UBE2O: variants seen among roughly 807,000 people sequenced by gnomAD.
UBE2O encodes (E3-independent) E2 ubiquitin-conjugating enzyme.
UBE2O carries 15 observed loss-of-function variants against 125.8 expected under a neutral mutation model. That is an observed-to-expected ratio of 0.12 (90% CI 0.08 to 0.18). The LOEUF (loss-of-function observed/expected upper bound fraction) is 0.18. UBE2O is among the 10% of genes least tolerant of loss of function. UBE2O has a pLI of 1.00. For synonymous variants in UBE2O, 708 were observed against 703.2 expected (o/e 1.01, Z -0.11); for missense variants, 1,280 against 1,723.6 (o/e 0.74, Z 4.56).
chr17:76,421,083 G>C (rs913302390), intron 1 of UBE2O, among the ~76,000 whole-genome samples: 5 of 152,156 alleles, frequency 3.3e-5, no homozygotes, highest in African/African-American at 4.8e-5. Context: ...AAAGTGAACA[G>C]GACTCAGCAC....
In UBE2O at chr17:76,400,709, G is replaced by A. The variant is rs1313418562; in HGVS notation, c.895-159C>T. Among the ~76,000 whole-genome samples the A allele has an allele frequency of 2.0e-5, 3 of 152,084 alleles. No individual in the cohort carries two copies. Among genetic ancestry groups the A allele is most frequent in the African/African-American group, 4.8e-5 (2 of 41,392 alleles). ...CAGAGCAGGCCCCAACTGTAACCAC[G>A]GCCCCCACCCAATGCCCAGGACCAG... On this transcript the variant is annotated intron_variant, in intron 6 of 17. Transcript: ENST00000319380. This position sits in a 1 kb window ranked among gnomAD's most constrained non-coding sequence, Gnocchi z 4.3.
At position 76,402,168 on chromosome 17, in the gene UBE2O, C is replaced by T. The variant is rs2072337897; in HGVS notation, c.687-41G>A. The T allele has an allele frequency of 2.5e-6, 4 of 1,597,676 alleles. No individual in the cohort carries two copies. In the East Asian group the frequency reaches 8.9e-5, roughly 36 times the overall value. The stretch of plus-strand genomic sequence containing the variant: ...GAGGTTTGGTCTCCACCAGGGGACA[C>T]AGTGAGTACCAAAAAGTTGCGATTC... On this transcript the variant is annotated intron_variant, in intron 4 of 17. Coordinates refer to ENST00000319380, the MANE Select transcript of UBE2O (RefSeq NM_022066.4). The surrounding 1 kb of genome is among the most constrained non-coding windows in gnomAD (Gnocchi z 5.4).
intron 1 of UBE2O, among the ~76,000 whole-genome samples, chr17:76,407,557 C>T (rs1282514330): frequency 1.3e-5 from 2 of 152,164 alleles, no homozygotes; most frequent in Non-Finnish European, 2.9e-5. Flanking sequence ...ACTTGGGGGT[C>T]CCTGAGAGAG....
At position 76,452,748 on chromosome 17, in the gene UBE2O, T is replaced by G. The variant is rs772082702; in HGVS notation, c.394A>C (p.Lys132Gln). 1 of 1,506,434 alleles carries G rather than the reference T, an allele frequency of 6.6e-7. No homozygotes were observed. Among genetic ancestry groups the G allele is most frequent in the Non-Finnish European group, 8.8e-7 (1 of 1,137,084 alleles). The allele number at this position is 1,506,434 out of a possible 1,614,324, so 93.3% of individuals were successfully genotyped here. Residue 132 changes from lysine (K) to glutamine (Q), a missense_variant, in exon 1 of 18, where the codon AAG becomes CAG. Around this residue, in one of 10 missense-constraint regions of UBE2O, gnomAD observed 188 missense variants for 192.5 expected, o/e 0.98. Coordinates refer to ENST00000319380, the MANE Select transcript of UBE2O (RefSeq NM_022066.4). The surrounding 1 kb of genome is among the most constrained non-coding windows in gnomAD (Gnocchi z 4.4). ...ACCTTGGTCTCCTTCACATGCTGCT[T>G]GACGCCCTCCGGGTACCACTGGACG... ...VRVQWYPEGV[K>Q]QHVKETKLKL... is the part of the protein sequence containing the mutation.
rs137873848 is a variant in UBE2O, at chr17:76,402,665, C to T, written c.623G>A (p.Cys208Tyr). The change falls in exon 4 of 18, where the codon TGC becomes TAC. Residue 208 changes from cysteine (C) to tyrosine (Y), a missense_variant. By Grantham distance (194) the Cys-to-Tyr change is radical. Around this residue, in one of 10 missense-constraint regions of UBE2O, gnomAD observed 206 missense variants for 315.7 expected, o/e 0.65. Transcript: ENST00000319380. The surrounding 1 kb of genome is among the most constrained non-coding windows in gnomAD (Gnocchi z 5.4). ...FMYGDYIAYD[C>Y]WLGKVYDLKN... ...CAAGTCGTAGACCTTCCCCAGCCAG[C>T]AGTCATAGGCAATGTAGTCCCCATA... The T allele has an allele frequency of 1.9e-6, 3 of 1,614,154 alleles. No individual in the cohort carries two copies. The highest frequency in any genetic ancestry group is 3.3e-5 in the Admixed American group (2 of 60,012).
Position 76,405,596 on chromosome 17 carries a change from A to AGAG in UBE2O, c.418-27_418-25dup, listed in dbSNP as rs564008781. ...AGCTGTAAAAGAAAATACAGGTGTG[A>AGAG]GAGAATGGACTCTGAAGCCACCACA... On this transcript the variant is annotated intron_variant, in intron 1 of 17. Transcript: ENST00000319380. The surrounding 1 kb of genome is among the most constrained non-coding windows in gnomAD (Gnocchi z 6.1). 1.6e-3 allele frequency: 2,501 copies of AGAG among 1,573,614 alleles called. 3 individuals carry two copies. Among genetic ancestry groups the AGAG allele is most frequent in the Non-Finnish European group, 2.0e-3 (2,337 of 1,158,852 alleles).
At chr17:76,439,841 C>T (rs1041590401) in intron 1 of UBE2O, among the ~76,000 whole-genome samples, 1 of 152,164 alleles carries the variant, frequency 6.6e-6, no homozygotes, top group Non-Finnish European at 1.5e-5. Context: ...TCCTAATGCT[C>T]CCCACCACAT....
chr17:76,452,617 A>C lies in UBE2O; in HGVS notation c.417+108T>G. 9.3e-7 allele frequency: 1 copy of C among 1,076,440 alleles called. No individual in the cohort carries two copies. The highest frequency in any genetic ancestry group is 1.2e-6 in the Non-Finnish European group (1 of 831,134). 66.7% of individuals were successfully genotyped at this position (1,076,440 alleles called of 1,614,324 possible). A position where few individuals can be genotyped will look rare whatever the true frequency, so the allele number is the denominator to read the frequency against. On this transcript the variant is annotated intron_variant, in intron 1 of 17. Transcript: ENST00000319380. The surrounding 1 kb of genome is among the most constrained non-coding windows in gnomAD (Gnocchi z 4.4). ...CTGGGGCTGTCCTCCCGCGTCGGCC[A>C]CTGCAGTGGCACCGCTCCGGGCAGG...
Position 76,398,878 on chromosome 17 carries a change from T to C in UBE2O, c.1742A>G (p.Asn581Ser), listed in dbSNP as rs747009607. Residue 581 changes from asparagine (N) to serine (S), a missense_variant, in exon 10 of 18, where the codon AAC becomes AGC. Physicochemically the swap from Asn to Ser is conservative, Grantham distance 46 (BLOSUM62 1). Transcript: ENST00000319380. This position sits in a 1 kb window ranked among gnomAD's most constrained non-coding sequence, Gnocchi z 5.4. ...NDLFPVHHLD[N>S]NEFCPGDFVV... ...GAAGTCTCCAGGGCAGAACTCGTTG[T>C]TGTCCAGGTGGTGCACAGGGAAGAG... is the stretch of plus-strand genomic sequence containing the variant. 6.2e-7 allele frequency: 1 copy of C among 1,614,192 alleles called. No homozygotes were observed. Among genetic ancestry groups the C allele is most frequent in the East Asian group, 2.2e-5 (1 of 44,890 alleles).
rs1046858473 is a variant in UBE2O at position 76,396,769 on chromosome 17, T to G, written c.2168A>C (p.Glu723Ala). ...CGAGGATGCCCCGCTGGTGCTGCCT[T>G]CTACCGAATCGTAGTCTGACTCCTC... Reference protein sequence around the residue: ...EIEESDYDSVEGSTSGASSDE... With the variant: ...EIEESDYDSVAGSTSGASSDE... The change falls in exon 14 of 18, where the codon GAA (glutamate) becomes GCA (alanine). Residue 723 changes from glutamate (E) to alanine (A), a missense_variant. Glu to Ala is a moderately radical substitution (Grantham distance 107, BLOSUM62 -1). Around this residue, in one of 10 missense-constraint regions of UBE2O, gnomAD observed 210 missense variants for 268.9 expected, o/e 0.78. Coordinates refer to ENST00000319380, the MANE Select transcript of UBE2O (RefSeq NM_022066.4). The surrounding 1 kb of genome is among the most constrained non-coding windows in gnomAD (Gnocchi z 6.7). The G allele has an allele frequency of 1.2e-6, 2 of 1,612,646 alleles. No homozygotes were observed. Among genetic ancestry groups the G allele is most frequent in the Non-Finnish European group, 1.7e-6 (2 of 1,179,224 alleles).
intron 1 of UBE2O, among the ~76,000 whole-genome samples, chr17:76,423,315 G>A (rs1227784895): frequency 6.6e-6 from 1 of 152,070 alleles, no homozygotes; most frequent in Non-Finnish European, 1.5e-5. Flanking sequence ...GGAATTCGAC[G>A]CTGCAGTGAG....
intron 1 of UBE2O, among the ~76,000 whole-genome samples, chr17:76,412,940 G>A (rs201880760): frequency 3.9e-5 from 6 of 152,136 alleles, no homozygotes; most frequent in African/African-American, 9.7e-5. Flanking sequence ...CCCGGGAGGC[G>A]GAGGTTGCAG....
In UBE2O at chr17:76,452,721, G is replaced by A. The variant is rs370904103; in HGVS notation, c.417+4C>T. On this transcript the variant is annotated splice_donor_region_variant and intron_variant, in intron 1 of 17. Coordinates refer to ENST00000319380, the MANE Select transcript of UBE2O (RefSeq NM_022066.4). The surrounding 1 kb of genome is among the most constrained non-coding windows in gnomAD (Gnocchi z 4.4). ...CCGCGCCGCCCAGCCCCCGCCCGCCGCACCTTGGTCTCCTTCACATGCTGC... is the reference window on the plus strand; with the variant it reads ...CCGCGCCGCCCAGCCCCCGCCCGCCACACCTTGGTCTCCTTCACATGCTGC... 184 of 1,418,014 alleles carry A rather than the reference G, an allele frequency of 1.3e-4. 1 individual carries two copies. In the African/African-American group the frequency reaches 2.6e-3, roughly 20 times the overall value. 87.8% of individuals were successfully genotyped at this position (1,418,014 alleles called of 1,614,324 possible).
At position 76,401,169 on chromosome 17, in the gene UBE2O, G is replaced by A. The variant is rs758968721; in HGVS notation, c.751-15C>T. 85 of 1,612,006 alleles carry A rather than the reference G, an allele frequency of 5.3e-5. No homozygotes were observed. The highest frequency in any genetic ancestry group is 6.8e-5 in the Non-Finnish European group (80 of 1,179,118). On this transcript the variant is annotated splice_polypyrimidine_tract_variant and intron_variant, in intron 5 of 17. Coordinates refer to ENST00000319380, the MANE Select transcript of UBE2O (RefSeq NM_022066.4). ...AAGAAGAGACCCTGCGGGATGTGGGGCCAAAGGAAAGTCCCCGTGAGCGGT... is the reference window on the plus strand; with the variant it reads ...AAGAAGAGACCCTGCGGGATGTGGGACCAAAGGAAAGTCCCCGTGAGCGGT...
chr17:76,419,333 A>G (rs2143796993), intron 1 of UBE2O, among the ~76,000 whole-genome samples: 1 of 151,018 alleles, frequency 6.6e-6, no homozygotes, highest in Admixed American at 6.6e-5. Flanking sequence ...AACAAAATAT[A>G]CTCTGACTAC....
At chr17:76,443,778 CAAAAAACTGGGGAGGAAGAG>C in intron 1 of UBE2O, among the ~76,000 whole-genome samples, 1 of 151,932 alleles carries the variant, frequency 6.6e-6, no homozygotes, top group South Asian at 2.1e-4. Context: ...GAGGTCACTC[CAAAAAACTGGGGAGGAAGAG>C]ATAAAGAAAA....
rs66834782 is a variant in UBE2O at position 76,406,692 on chromosome 17, GTTTTTTTT to G, written c.418-1128_418-1121del. ...CCATGGGAACTCATGAGCCCAAGTTGTTTTTTTTTTTTTTTTTTTTTTTTTGAGATGGA... is the reference window on the plus strand; with the variant it reads ...CCATGGGAACTCATGAGCCCAAGTTGTTTTTTTTTTTTTTTTTGAGATGGA... On this transcript the variant is annotated intron_variant, in intron 1 of 17. Transcript: ENST00000319380. Among the ~76,000 whole-genome samples, 5 of 70,916 alleles carry G rather than the reference GTTTTTTTT, an allele frequency of 7.1e-5. No homozygotes were observed. In the East Asian group the frequency reaches 2.5e-3, roughly 36 times the overall value. 46.5% of individuals were successfully genotyped at this position (70,916 alleles called of 152,430 possible).
chr17:76,416,128 T>A (rs919728282), intron 1 of UBE2O, among the ~76,000 whole-genome samples: 2 of 151,818 alleles, frequency 1.3e-5, no homozygotes, highest in African/African-American at 2.4e-5. Context: ...TATACATATA[T>A]GTGCGTGTAT....
chr17:76,423,896 C>CTTTTTTTTTTT (rs746126675), intron 1 of UBE2O, among the ~76,000 whole-genome samples: 5 of 83,470 alleles, frequency 6.0e-5, no homozygotes, highest in African/African-American at 9.7e-5. Flanking sequence ...AGGTTGGGTT[C>CTTTTTTTTTTT]TTTTTTTTTT....
Sources: allele counts gnomAD v4.1 joint callset (sites outside exome capture counted in the v4.1 genomes callset), GRCh38; gene constraint gnomAD v4.1.1; regional missense constraint gnomAD v4.1.1; non-coding constraint Gnocchi (gnomAD v3.1); transcripts MANE v1.5; gene names NCBI Gene and HGNC (gene_info 2026-07-23, HGNC 2026-07-21).